Variants in HECW2 observed in about 807,000 individuals in gnomAD.
HECW2 encodes the protein E3 ubiquitin-protein ligase HECW2.
A neutral mutation model predicts 175.2 loss-of-function variants in HECW2; 61 were observed. That is an observed-to-expected ratio of 0.35 (90% CI 0.28 to 0.43). HECW2 has a LOEUF of 0.43. Ranked by LOEUF, HECW2 falls within the 20% of genes least tolerant of loss-of-function variation. The probability of loss-of-function intolerance (pLI) is 1.00; values close to 1 mark genes in which losing one functional copy is unlikely to be tolerated. For missense variants in HECW2, 1,524 were observed against 2,000.5 expected, an observed-to-expected ratio of 0.76 and a Z score of 4.54; for synonymous variants, 671 against 731.0, an observed-to-expected ratio of 0.92 and a Z score of 1.32.
At chr2:196,491,112 A>G (rs1272303035) in intron 1 of HECW2, among the ~76,000 whole-genome samples, 1 of 152,154 alleles carries the variant, frequency 6.6e-6, no homozygotes, top group East Asian at 1.9e-4. Context: ...TATATAAATC[A>G]TACCACAATA....
At chr2:196,448,741 C>G (rs1696260074) in intron 1 of HECW2, among the ~76,000 whole-genome samples, 1 of 152,150 alleles carries the variant, frequency 6.6e-6, no homozygotes, top group Admixed American at 6.5e-5. Context: ...AAGCCCATCA[C>G]CTTGTTGAGA....
intron 1 of HECW2, among the ~76,000 whole-genome samples, chr2:196,450,010 G>C (rs1205319374): frequency 6.6e-6 from 1 of 152,126 alleles, no homozygotes; most frequent in East Asian, 1.9e-4. Flanking sequence ...CCCTCCCCTG[G>C]CTTTCTGCAA....
At chr2:196,425,496 G>T (rs1695518825) in intron 2 of HECW2, among the ~76,000 whole-genome samples, 2 of 152,138 alleles carry the variant, frequency 1.3e-5, no homozygotes, top group African/African-American at 4.8e-5. Flanking sequence ...CACAATTCAT[G>T]GGGTAGACTA....
chr2:196,523,018 G>A lies in HECW2; in HGVS notation c.-36+70490C>T, dbSNP rs1473783939. Among the ~76,000 whole-genome samples the A allele has an allele frequency of 2.6e-4, 40 of 151,748 alleles. No homozygotes were observed. In the East Asian group the frequency reaches 7.6e-3, roughly 29 times the overall value. On this transcript the variant is annotated intron_variant, in intron 1 of 28. Transcript: ENST00000644978. ...AGTTTTTTCCAATTCTGTGAAGAACGTCATTGGTAGCTTGATGGGGATGGC... is the reference window on the plus strand; with the variant it reads ...AGTTTTTTCCAATTCTGTGAAGAACATCATTGGTAGCTTGATGGGGATGGC...
intron 2 of HECW2, among the ~76,000 whole-genome samples, chr2:196,416,106 C>T (rs1695249640): frequency 6.6e-6 from 1 of 152,158 alleles, no homozygotes; most frequent in Non-Finnish European, 1.5e-5. Flanking sequence ...AATATTTTAG[C>T]TTATAGACAC....
At chr2:196,376,993 T>C (rs1351109907) in intron 2 of HECW2, among the ~76,000 whole-genome samples, 5 of 152,126 alleles carry the variant, frequency 3.3e-5, no homozygotes, top group Admixed American at 3.3e-4. Flanking sequence ...TTTTCATTCC[T>C]TGGGGGAAAA....
Position 196,308,069 on chromosome 2 carries a change from AATG to A in HECW2, c.2448_2450del (p.Ile817del). 1 of 1,587,714 alleles carries A rather than the reference AATG, an allele frequency of 6.3e-7. No homozygotes were observed. Among genetic ancestry groups the A allele is most frequent in the Non-Finnish European group, 8.6e-7 (1 of 1,161,464 alleles). On this transcript the variant is annotated inframe_deletion, in exon 11 of 29. Transcript: ENST00000644978. ...CGTAGAAGATCCTGCCGTGGCTGTC[AATG>A]CGTGCCTCCCAGTCTAAATGGCAGT... is the stretch of plus-strand genomic sequence containing the variant.
At chr2:196,383,414 T>C (rs757435105) in intron 2 of HECW2, among the ~76,000 whole-genome samples, 3 of 151,982 alleles carry the variant, frequency 2.0e-5, no homozygotes, top group Non-Finnish European at 4.4e-5. Flanking sequence ...ACAGATGAGA[T>C]TGCAGGGTGC....
chr2:196,316,670 T>C (rs1691710711), intron 10 of HECW2: 1 of 153,196 alleles, frequency 6.5e-6, no homozygotes, highest in Non-Finnish European at 1.5e-5. Flanking sequence ...TATGTAACTA[T>C]ATCCCAGCAT....
rs74807456 is a variant in HECW2 at position 196,298,010 on chromosome 2, C to A, written c.2815-5260G>T. 2.2e-3 allele frequency among the ~76,000 whole-genome samples: 334 copies of A among 152,204 alleles called. 1 individual carries two copies. The highest frequency in any genetic ancestry group is 7.3e-3 in the African/African-American group (302 of 41,532). On this transcript the variant is annotated intron_variant, in intron 13 of 28. Transcript: ENST00000644978. ...TCTATTTTGCAATAGCAGGAATTCC[C>A]AAGTTTTAAGAATATACGTATGGAT...
intron 2 of HECW2, among the ~76,000 whole-genome samples, chr2:196,370,357 T>C (rs1386963314): frequency 6.6e-6 from 1 of 152,176 alleles, no homozygotes; most frequent in Admixed American, 6.5e-5. Context: ...AGACTCTGTC[T>C]GGTGTCGTAT....
chr2:196,318,810 C>G lies in HECW2; in HGVS notation c.2080G>C (p.Ala694Pro). Reference protein sequence around the residue: ...CAAEPTSSGPAEGSQESVCTA... With the variant: ...CAAEPTSSGPPEGSQESVCTA... ...CACACGGATTCCTGCGACCCTTCGG[C>G]AGGGCCACTGCTGGTGGGCTCTGCT... is the stretch of plus-strand genomic sequence containing the variant. The change falls in exon 9 of 29, where the codon GCC becomes CCC. Residue 694 changes from alanine to proline, a missense_variant. Ala to Pro is a conservative substitution (Grantham distance 27). Transcript: ENST00000644978. 2 of 1,529,272 alleles carry G rather than the reference C, an allele frequency of 1.3e-6. No homozygotes were observed. The highest frequency in any genetic ancestry group is 1.8e-6 in the Non-Finnish European group (2 of 1,137,092). 94.7% of individuals were successfully genotyped at this position (1,529,272 alleles called of 1,614,324 possible).
At chr2:196,453,142 A>C (rs1696399187) in intron 1 of HECW2, among the ~76,000 whole-genome samples, 1 of 152,176 alleles carries the variant, frequency 6.6e-6, no homozygotes, top group African/African-American at 2.4e-5. Context: ...CATAAGAAAG[A>C]AGGGGTAGGC....
chr2:196,285,818 G>C (rs1010393666), intron 14 of HECW2, among the ~76,000 whole-genome samples: 3 of 152,184 alleles, frequency 2.0e-5, no homozygotes, highest in African/African-American at 7.2e-5. Flanking sequence ...CATGACATCT[G>C]TATCAGTCAC....
intron 2 of HECW2, among the ~76,000 whole-genome samples, chr2:196,370,714 G>C (rs923547719): frequency 6.6e-6 from 1 of 152,210 alleles, no homozygotes; most frequent in Non-Finnish European, 1.5e-5. Flanking sequence ...GCTAGAATGA[G>C]TGATTCCCCT....
At position 196,331,076 on chromosome 2, in the gene HECW2, C is replaced by T. The variant is rs1297387342; in HGVS notation, c.496-1426G>A. ...TCAAATTTTGAAGTATAAATTTCTA[C>T]TGCCTCCGCTGTAACTCCTGTACCT... On this transcript the variant is annotated intron_variant, in intron 4 of 28. Transcript: ENST00000644978. The T allele has an allele frequency of 8.2e-6, 7 of 848,802 alleles. No homozygotes were observed. In the East Asian group the frequency reaches 6.1e-4, roughly 74 times the overall value. The allele number at this position is 848,802 out of a possible 1,614,324, so 52.6% of individuals were successfully genotyped here. A position where few individuals can be genotyped will look rare whatever the true frequency, so the allele number is the denominator to read the frequency against.
rs112880803 is a variant in HECW2, at chr2:196,505,433, A to G, written c.-35-71975T>C. On this transcript the variant is annotated intron_variant, in intron 1 of 28. Coordinates refer to ENST00000644978, the MANE Select transcript of HECW2 (RefSeq NM_001348768.2). Reference sequence around the variant, plus strand: ...TGTGTACCTGTAATCCCAGCTACTCAGGAGGCTGAAGCAGGAGAATCGCTT... The same window carrying G: ...TGTGTACCTGTAATCCCAGCTACTCGGGAGGCTGAAGCAGGAGAATCGCTT... Among the ~76,000 whole-genome samples, 443 of 152,168 alleles carry G rather than the reference A, an allele frequency of 2.9e-3. 1 individual carries two copies. Among genetic ancestry groups the G allele is most frequent in the African/African-American group, 0.01 (419 of 41,512 alleles).
chr2:196,509,889 A>G (rs1374111211), intron 1 of HECW2, among the ~76,000 whole-genome samples: 5 of 152,230 alleles, frequency 3.3e-5, no homozygotes, highest in African/African-American at 4.8e-5. Context: ...TCCTTCAGGC[A>G]TAAGTGAGCT....
chr2:196,592,360 A>G (rs1481783356), intron 1 of HECW2: 2 of 152,192 alleles, frequency 1.3e-5, no homozygotes, highest in African/African-American at 2.4e-5. Flanking sequence ...TTCTAACTCT[A>G]AAAGAAATGT....
Sources: gnomAD v4.1 joint callset for allele counts (sites outside exome capture counted in the v4.1 genomes callset) on GRCh38, gnomAD v4.1.1 for gene constraint, MANE v1.5 for transcripts, NCBI Gene and HGNC (gene_info 2026-07-23, HGNC 2026-07-21) for gene names.